Variants in SRI observed in about 807,000 individuals in gnomAD.
SRI encodes 22 kDa protein.
Under a neutral mutation model 33.3 loss-of-function variants are expected in SRI, and 30 were observed. That is an observed-to-expected ratio of 0.90 (90% CI 0.67 to 1.22). The LOEUF (loss-of-function observed/expected upper bound fraction) is 1.22. Ranked by LOEUF, SRI falls within the 50% of genes most tolerant of loss-of-function variation. The pLI is 0.00. For missense variants in SRI, 243 were observed against 250.8 expected (o/e 0.97, Z 0.21); for synonymous variants, 75 against 89.9 (o/e 0.83, Z 0.94).
At chr7:88,216,489 A>G (rs985750994) in intron 3 of SRI, among the ~76,000 whole-genome samples, 1 of 152,200 alleles carries the variant, frequency 6.6e-6, no homozygotes, top group African/African-American at 2.4e-5. Context: ...AGCATGCCCA[A>G]AGCTCAGAGA....
intron 3 of SRI, among the ~76,000 whole-genome samples, chr7:88,213,859 G>T (rs2115772075): frequency 6.6e-6 from 1 of 152,268 alleles, no homozygotes; most frequent in Middle Eastern, 3.4e-3. Context: ...AAATCAAAAA[G>T]CCAATAAGGC....
intron 2 of SRI, 48 bp from the exon 3 acceptor site, chr7:88,217,239 A>G (rs1341248383): frequency 1.3e-6 from 2 of 1,504,790 alleles, no homozygotes; most frequent in African/African-American, 2.8e-5. Context: ...TGTACTTTCA[A>G]GTTGTTTACC....
At chr7:88,215,209 C>A (rs1282898711) in intron 3 of SRI, among the ~76,000 whole-genome samples, 16 of 152,160 alleles carry the variant, frequency 1.1e-4, no homozygotes, top group Non-Finnish European at 2.2e-4. Flanking sequence ...TTCAGTACGG[C>A]CACCAGAGAG....
chr7:88,220,116 C>G, upstream of SRI: 1 of 1,384,560 alleles, frequency 7.2e-7, no homozygotes. Context: ...GGGGCCGCCC[C>G]AGAGCGCACC....
At chr7:88,210,395 G>A in intron 4 of SRI, 1 of 478,830 alleles carries the variant, frequency 2.1e-6, no homozygotes, top group Non-Finnish European at 3.8e-6. Flanking sequence ...CTTATAAAAA[G>A]CGGTCTTGTT....
upstream of SRI, among the ~76,000 whole-genome samples, chr7:88,220,435 G>C (rs567749878): frequency 2.6e-5 from 4 of 152,054 alleles, no homozygotes; most frequent in Admixed American, 2.6e-4. Context: ...GGACAGGACG[G>C]AGCTATTATA....
upstream of SRI, chr7:88,220,089 C>T: frequency 6.9e-7 from 1 of 1,455,324 alleles, no homozygotes; most frequent in South Asian, 1.4e-5. Flanking sequence ...CCCTGCCCCG[C>T]CCCGCCCTGC....
At chr7:88,209,563 T>C in intron 5 of SRI, 111 bp from the exon 6 acceptor site, 1 of 764,458 alleles carries the variant, frequency 1.3e-6, no homozygotes, top group South Asian at 1.5e-5. Flanking sequence ...ATATTAATTA[T>C]GAACACACAC....
At chr7:88,208,260 G>T in intron 7 of SRI, 2 of 965,492 alleles carry the variant, frequency 2.1e-6, no homozygotes, top group South Asian at 3.3e-5. Context: ...AAGTGACCCA[G>T]CTAATAAATA....
intron 3 of SRI, among the ~76,000 whole-genome samples, chr7:88,214,271 C>T (rs144585488): frequency 2.2e-4 from 33 of 152,234 alleles, no homozygotes; most frequent in African/African-American, 7.2e-4. Flanking sequence ...ACAGGCAAAG[C>T]GTAAGTGAAT....
chr7:88,223,177 C>T (rs998738586), upstream of SRI, among the ~76,000 whole-genome samples: 1 of 152,150 alleles, frequency 6.6e-6, no homozygotes, highest in African/African-American at 2.4e-5. Context: ...TGGTCAGCTG[C>T]TAATACTTTA....
Position 88,205,306 on chromosome 7 carries a change from A to AAAC in SRI, c.*1169_*1171dup, listed in dbSNP as rs1486459104. 1.3e-5 allele frequency: 2 copies of AAAC among 152,234 alleles called. No homozygotes were observed. The highest frequency in any genetic ancestry group is 4.8e-5 in the African/African-American group (2 of 41,452). 9.4% of individuals were successfully genotyped at this position (152,234 alleles called of 1,614,324 possible). A position where few individuals can be genotyped will look rare whatever the true frequency, so the allele number is the denominator to read the frequency against. On this transcript the variant is annotated 3_prime_UTR_variant, in exon 8 of 8. Transcript: ENST00000265729. ...GGCCAGTTTTAAATTTAAGAAACAGAAACATTGTCAGTGCTTCTTGTATCA... is the reference window on the plus strand; with the variant it reads ...GGCCAGTTTTAAATTTAAGAAACAGAAACAACATTGTCAGTGCTTCTTGTATCA...
intron 3 of SRI, among the ~76,000 whole-genome samples, chr7:88,212,206 A>T (rs911656115): frequency 6.6e-6 from 1 of 152,244 alleles, no homozygotes; most frequent in Admixed American, 6.5e-5. Context: ...TAGGTTTTAC[A>T]CATTTAATAG....
rs1323762350 is a variant in SRI, at chr7:88,209,459, G to A, written c.398-7C>T. 6.2e-7 allele frequency: 1 copy of A among 1,607,792 alleles called. No homozygotes were observed. Among genetic ancestry groups the A allele is most frequent in the African/African-American group, 1.3e-5 (1 of 74,900 alleles). Reference sequence around the variant, plus strand: ...TGGGGACTCAACCTAAATCCTAAAAGAAAAGCCATCCAGTAAAAAGGTTAA... The same window carrying A: ...TGGGGACTCAACCTAAATCCTAAAAAAAAAGCCATCCAGTAAAAAGGTTAA... On this transcript the variant is annotated splice_polypyrimidine_tract_variant and splice_region_variant and intron_variant, in intron 5 of 7. Coordinates refer to ENST00000265729, the MANE Select transcript of SRI (RefSeq NM_003130.4).
upstream of SRI, chr7:88,220,133 G>T (rs1274577935): frequency 7.4e-7 from 1 of 1,349,896 alleles, no homozygotes. Context: ...CACCACGCGG[G>T]CGTGGGGGAC....
At chr7:88,217,550 AGGCCT>A (rs780963956) in intron 2 of SRI, among the ~76,000 whole-genome samples, 1 of 152,180 alleles carries the variant, frequency 6.6e-6, no homozygotes, top group Non-Finnish European at 1.5e-5. Context: ...AAACAGAAAA[AGGCCT>A]CCTTGGTCAC....
In SRI at chr7:88,206,284, T is replaced by TC. The variant is rs1851437883; in HGVS notation, c.*193dup. 1 of 665,066 alleles carries TC rather than the reference T, an allele frequency of 1.5e-6. No individual in the cohort carries two copies. The highest frequency in any genetic ancestry group is 2.7e-6 in the Non-Finnish European group (1 of 376,762). The allele number at this position is 665,066 out of a possible 1,614,324, so 41.2% of individuals were successfully genotyped here. ...GTTCTAAATGGTGTAACAGACTAGA[T>TC]CTTATTAAAGTTCCAAAGAATTTAT... is the stretch of plus-strand genomic sequence containing the variant. On this transcript the variant is annotated 3_prime_UTR_variant, in exon 8 of 8. Transcript: ENST00000265729.
upstream of SRI, among the ~76,000 whole-genome samples, chr7:88,221,664 C>T (rs6465133): frequency 0.79 from 119,939 of 152,232 alleles, 48,449 homozygotes; most frequent in African/African-American, 0.88. Flanking sequence ...GACATCTTCC[C>T]ACTGCTTTAC....
chr7:88,210,053 A>C lies in SRI; in HGVS notation c.327T>G (p.Phe109Leu), dbSNP rs774635687. Residue 109 changes from phenylalanine to leucine, a missense_variant, in exon 5 of 8, where the codon TTT becomes TTG. Coordinates refer to ENST00000265729, the MANE Select transcript of SRI (RefSeq NM_003130.4). ...WAVLNGWRQH[F>L]ISFDTDRSGT... is the part of the protein sequence containing the mutation. ...CACTCCTGTCAGTGTCAAAACTGAT[A>C]AAGTGTTGTCTCCAGCCATTCAGTA... The C allele has an allele frequency of 6.2e-7, 1 of 1,614,176 alleles. No homozygotes were observed. The highest frequency in any genetic ancestry group is 1.1e-5 in the South Asian group (1 of 91,086).
Sources: gnomAD v4.1 joint callset for allele counts (sites outside exome capture counted in the v4.1 genomes callset) on GRCh38, gnomAD v4.1.1 for gene constraint, MANE v1.5 for transcripts, NCBI Gene and HGNC (gene_info 2026-07-23, HGNC 2026-07-21) for gene names.